DONSON: variants seen among roughly 807,000 people sequenced by gnomAD.
The protein encoded by DONSON is DNA replication fork stabilization factor DONSON.
DONSON carries 43 observed loss-of-function variants against 62.1 expected under a neutral mutation model. That is an observed-to-expected ratio of 0.69 (90% confidence interval 0.54 to 0.89). DONSON has a LOEUF of 0.89. Ranked by LOEUF, DONSON falls within the 40% of genes least tolerant of loss-of-function variation. DONSON has a pLI of 0.00. For missense variants in DONSON, 696 were observed against 697.5 expected (o/e 1.00, Z 0.03); for synonymous variants, 266 against 264.6 (o/e 1.01, Z -0.05).
intron 8 of DONSON, among the ~76,000 whole-genome samples, chr21:33,580,488 A>G (rs1174267781): frequency 7.4e-6 from 1 of 135,502 alleles, no homozygotes; most frequent in African/African-American, 2.8e-5. Flanking sequence ...AAAAAAAAAA[A>G]AAAAAAAAAA....
Position 33,583,675 on chromosome 21 carries a change from TA to T in DONSON, c.786-10del, listed in dbSNP as rs748595667. ...AAGTAAAGCTCACAGACCTATGAAG[TA>T]AAAAAATTTTCTTAAGGTATTATTA... On this transcript the variant is annotated splice_polypyrimidine_tract_variant and intron_variant, in intron 4 of 9. Transcript: ENST00000303071. The T allele has an allele frequency of 1.9e-6, 3 of 1,565,854 alleles. No individual in the cohort carries two copies. The highest frequency in any genetic ancestry group is 1.7e-6 in the Non-Finnish European group (2 of 1,156,546).
In DONSON at chr21:33,588,374, C is replaced by T; in HGVS notation, c.268G>A (p.Ala90Thr). Residue 90 changes from alanine (A) to threonine (T), a missense_variant, in exon 1 of 10, where the codon GCC becomes ACC. Transcript: ENST00000303071. ...FARLDNRPRV[A>T]AEPPDGPARE... Reference sequence around the variant, plus strand: ...GCCGGCCCGTCGGGGGGCTCCGCGGCGACCCGCGGTCGGTTGTCCAGGCGG... The same window carrying T: ...GCCGGCCCGTCGGGGGGCTCCGCGGTGACCCGCGGTCGGTTGTCCAGGCGG... 1 of 1,291,292 alleles carries T rather than the reference C, an allele frequency of 7.7e-7. No individual in the cohort carries two copies. The highest frequency in any genetic ancestry group is 9.8e-7 in the Non-Finnish European group (1 of 1,024,294). 80.0% of individuals were successfully genotyped at this position (1,291,292 alleles called of 1,614,324 possible).
chr21:33,584,247 C>T (rs1601315877), intron 4 of DONSON, among the ~76,000 whole-genome samples: 1 of 151,100 alleles, frequency 6.6e-6, no homozygotes, highest in Admixed American at 6.6e-5. Flanking sequence ...AGGGTTTCAC[C>T]GTGTTAGCCA....
Position 33,586,074 on chromosome 21 carries a change from G to A in DONSON, c.510C>T (p.Pro170=), listed in dbSNP as rs1601317534. 6.2e-7 allele frequency: 1 copy of A among 1,614,208 alleles called. No homozygotes were observed. The highest frequency in any genetic ancestry group is 1.6e-4 in the Middle Eastern group (1 of 6,062). ...CTTTCAAATGATCTGCCCAGGTAAA[G>A]GGTTGAGAAGAGGTGAAAAGGAGTC... The part of the protein sequence containing the change: ...KTRLLFTSSQ[P]FTWADHLKAQ... Residue 170 remains proline, a synonymous_variant, in exon 3 of 10, where the codon CCC becomes CCT. Coordinates refer to ENST00000303071, the MANE Select transcript of DONSON (RefSeq NM_017613.4).
At chr21:33,579,046 G>A (rs752491085) in intron 9 of DONSON, among the ~76,000 whole-genome samples, 1 of 150,818 alleles carries the variant, frequency 6.6e-6, no homozygotes, top group Non-Finnish European at 1.5e-5. Flanking sequence ...GCTGAGGCAG[G>A]AGAACTGTTT....
At chr21:33,585,211 C>A (rs187448521) in intron 3 of DONSON, among the ~76,000 whole-genome samples, 12 of 152,066 alleles carry the variant, frequency 7.9e-5, no homozygotes, top group African/African-American at 2.4e-4. Flanking sequence ...TCCTTTTTAA[C>A]CTAGTTTGAG....
At position 33,588,318 on chromosome 21, in the gene DONSON, C is replaced by CACCGGG; in HGVS notation, c.318_321+2dup. On this transcript the variant is annotated splice_region_variant and intron_variant, in intron 1 of 9. Coordinates refer to ENST00000303071, the MANE Select transcript of DONSON (RefSeq NM_017613.4). ...CTTGGCGGCCAGGCTACAAGACACT[C>CACCGGG]ACCGGGACCGGGGCCTCCGGCTGCT... 3 of 1,283,964 alleles carry CACCGGG rather than the reference C, an allele frequency of 2.3e-6. No homozygotes were observed. The highest frequency in any genetic ancestry group is 2.9e-6 in the Non-Finnish European group (3 of 1,019,270). 79.5% of individuals were successfully genotyped at this position (1,283,964 alleles called of 1,614,324 possible). A position where few individuals can be genotyped will look rare whatever the true frequency, so the allele number is the denominator to read the frequency against.
In DONSON at chr21:33,582,260, A is replaced by G; in HGVS notation, c.965-14T>C. On this transcript the variant is annotated splice_polypyrimidine_tract_variant and intron_variant, in intron 5 of 9. Transcript: ENST00000303071. ...AAAATTCAATACCTATATGAGGAAC[A>G]AAAATGTAACTGAGTTGTCATTTAA... The G allele has an allele frequency of 6.9e-6, 11 of 1,594,790 alleles. No homozygotes were observed. Among genetic ancestry groups the G allele is most frequent in the Non-Finnish European group, 9.5e-6 (11 of 1,163,666 alleles).
chr21:33,588,300 G>T, intron 1 of DONSON, 21 bp downstream of exon 1: 1 of 1,254,932 alleles, frequency 8.0e-7, no homozygotes, highest in Non-Finnish European at 1.0e-6. Context: ...CCCCTTGGCG[G>T]CCAGGCTACA....
intron 5 of DONSON, 41 bp from the exon 6 acceptor site, chr21:33,582,287 G>C (rs781752714): frequency 2.1e-6 from 3 of 1,462,828 alleles, no homozygotes; most frequent in Admixed American, 1.8e-5. Flanking sequence ...GTCATTTAAA[G>C]TATTTAACAG....
At chr21:33,580,905 G>C (rs1224926040) in intron 8 of DONSON, among the ~76,000 whole-genome samples, 1 of 139,908 alleles carries the variant, frequency 7.1e-6, no homozygotes, top group Non-Finnish European at 1.6e-5. Flanking sequence ...AAACAAACAA[G>C]AAAAAAAAAA....
chr21:33,586,213 G>A, intron 2 of DONSON, 32 bp from the exon 3 acceptor site: 2 of 1,585,130 alleles, frequency 1.3e-6, no homozygotes, highest in Non-Finnish European at 1.7e-6. Flanking sequence ...AAAATTAGTC[G>A]AGTATCAAGA....
At chr21:33,587,407 C>T (rs2086589691) in intron 2 of DONSON, 115 bp downstream of exon 2, 4 of 1,407,456 alleles carry the variant, frequency 2.8e-6, no homozygotes, top group Non-Finnish European at 3.7e-6. Flanking sequence ...TGTAAAACTA[C>T]TTTCCAAGCA....
chr21:33,578,533 A>C (rs2086462977), intron 9 of DONSON, 89 bp from the exon 10 acceptor site: 5 of 1,353,252 alleles, frequency 3.7e-6, no homozygotes, highest in South Asian at 3.4e-5. Flanking sequence ...CTGACAAATA[A>C]ATGGCTGATT....
chr21:33,582,782 C>A (rs554564704), intron 5 of DONSON, among the ~76,000 whole-genome samples: 82 of 152,244 alleles, frequency 5.4e-4, no homozygotes, highest in African/African-American at 2.0e-3. Flanking sequence ...GAGCGACTGT[C>A]GAGTGAACAT....
In DONSON at chr21:33,577,666, CACACACACACACACACACACACA is replaced by C. The variant is rs1569073054; in HGVS notation, c.*618_*640del. 158 of 104,710 alleles carry C rather than the reference CACACACACACACACACACACACA, an allele frequency of 1.5e-3. 2 individuals are homozygous for C. The highest frequency in any genetic ancestry group is 4.4e-3 in the African/African-American group (109 of 24,650). 6.5% of individuals were successfully genotyped at this position (104,710 alleles called of 1,614,324 possible). ...ACACACACACACACACACACACACA[CACACACACACACACACACACACA>C]CACACACACACACCCCTATAAGCAC... is the stretch of plus-strand genomic sequence containing the variant. On this transcript the variant is annotated 3_prime_UTR_variant, in exon 10 of 10. Coordinates refer to ENST00000303071, the MANE Select transcript of DONSON (RefSeq NM_017613.4).
chr21:33,581,374 A>C lies in DONSON; in HGVS notation c.1278T>G (p.Gly426=). ...GGGTTGGAGGAAGTCCTGCCTGTGG[A>C]CCTGAGGTAGCAACTAAACTCTTAG... is the stretch of plus-strand genomic sequence containing the variant. ...INSKSLVATS[G]PQAGLPPTLL... Residue 426 remains glycine (G), a synonymous_variant, in exon 8 of 10, where the codon GGT becomes GGG. Transcript: ENST00000303071. The C allele has an allele frequency of 1.2e-6, 2 of 1,614,182 alleles. No homozygotes were observed. The highest frequency in any genetic ancestry group is 1.7e-6 in the Non-Finnish European group (2 of 1,180,028).
chr21:33,577,688 CACACACA>C lies in DONSON; in HGVS notation c.*612_*618del, dbSNP rs2086447937. ...ACACACACACACACACACACACACACACACACACACACACCCCTATAAGCACATTAAA... is the reference window on the plus strand; with the variant it reads ...ACACACACACACACACACACACACACCACACACCCCTATAAGCACATTAAA... On this transcript the variant is annotated 3_prime_UTR_variant, in exon 10 of 10. Transcript: ENST00000303071. The C allele has an allele frequency of 2.7e-5, 3 of 112,496 alleles. No homozygotes were observed. Among genetic ancestry groups the C allele is most frequent in the African/African-American group, 1.2e-4 (3 of 24,698 alleles). 7.0% of individuals were successfully genotyped at this position (112,496 alleles called of 1,614,324 possible).
intron 1 of DONSON, 117 bp downstream of exon 1, chr21:33,588,204 G>C (rs1176101247): frequency 2.3e-6 from 2 of 885,710 alleles, no homozygotes; most frequent in African/African-American, 1.7e-5. Flanking sequence ...ACGGGCGGCC[G>C]AAGTCTTCGC....
Sources: allele counts gnomAD v4.1 joint callset (sites outside exome capture counted in the v4.1 genomes callset), GRCh38; gene constraint gnomAD v4.1.1; transcripts MANE v1.5; gene names NCBI Gene and HGNC (gene_info 2026-07-23, HGNC 2026-07-21).